Variants in RGS6 observed in about 807,000 individuals in gnomAD.
RGS6 encodes regulator of G-protein signaling 6.
In RGS6, 30 loss-of-function variants were observed where a neutral mutation model predicts 78.5. That is an observed-to-expected ratio of 0.38 (90% CI 0.29 to 0.52). The LOEUF is 0.52. Among genes scored for constraint, RGS6 ranks in the 20% least tolerant of loss-of-function variants. RGS6 has a pLI of 0.85. For synonymous variants in RGS6, 206 were observed against 206.0 expected (o/e 1.00, Z 0.00); for missense variants, 495 against 609.7 (o/e 0.81, Z 1.98).
Position 72,405,004 on chromosome 14 carries a change from A to G in RGS6, c.185-49524A>G, listed in dbSNP as rs2092793194. On this transcript the variant is annotated intron_variant, in intron 3 of 17. Coordinates refer to ENST00000553525, the MANE Select transcript of RGS6 (RefSeq NM_001204424.2). ...GAAGAACTTAAAGGGATTCACAAGA[A>G]GTTGAGGAGGGCAGAGCTGAATGAG... is the stretch of plus-strand genomic sequence containing the variant. Among the ~76,000 whole-genome samples the G allele has an allele frequency of 1.3e-5, 2 of 152,196 alleles. 1 individual carries two copies. Among genetic ancestry groups the G allele is most frequent in the South Asian group, 4.1e-4 (2 of 4,834 alleles).
intron 3 of RGS6, among the ~76,000 whole-genome samples, chr14:72,401,771 A>G (rs2092430524): frequency 6.6e-6 from 1 of 152,210 alleles, no homozygotes. Flanking sequence ...AAAGAATAAC[A>G]TTCAGATAGG....
chr14:72,113,251 A>C (rs932601310), intron 2 of RGS6, among the ~76,000 whole-genome samples: 7 of 152,218 alleles, frequency 4.6e-5, no homozygotes, highest in Non-Finnish European at 7.3e-5. Context: ...TATTTATTTG[A>C]TCTACCTCAA....
chr14:72,151,749 A>G (rs1346540730), intron 2 of RGS6, among the ~76,000 whole-genome samples: 1 of 152,216 alleles, frequency 6.6e-6, no homozygotes, highest in Non-Finnish European at 1.5e-5. Context: ...TAAAAAGGGT[A>G]AAAAGAGATT....
chr14:72,478,989 A>G (rs951744067), intron 12 of RGS6, among the ~76,000 whole-genome samples: 1 of 152,190 alleles, frequency 6.6e-6, no homozygotes, highest in African/African-American at 2.4e-5. Flanking sequence ...TATGGAATAA[A>G]TCTAACCAGG....
intron 17 of RGS6, chr14:72,540,871 C>CA: frequency 1.0e-6 from 1 of 985,416 alleles, no homozygotes; most frequent in Non-Finnish European, 1.2e-6. Flanking sequence ...GAGCTCCCCA[C>CA]AGTGGCACAT....
intron 2 of RGS6, among the ~76,000 whole-genome samples, chr14:72,258,048 A>C (rs1472215261): frequency 6.6e-6 from 1 of 152,230 alleles, no homozygotes; most frequent in Non-Finnish European, 1.5e-5. Context: ...CCATAATTCA[A>C]TTCTAGGTCA....
At chr14:72,295,562 C>G (rs948057242) in intron 2 of RGS6, among the ~76,000 whole-genome samples, 3 of 152,106 alleles carry the variant, frequency 2.0e-5, no homozygotes, top group African/African-American at 7.2e-5. Context: ...ATAAAATAAT[C>G]TTAGGTGACA....
At chr14:72,099,988 G>T (rs568928076) in intron 2 of RGS6, among the ~76,000 whole-genome samples, 1 of 152,056 alleles carries the variant, frequency 6.6e-6, no homozygotes, top group African/African-American at 2.4e-5. Context: ...CATGGATTTG[G>T]TTCCGAAAGC....
At chr14:72,603,817 G>A in the RGS6 span, among the ~76,000 whole-genome samples, 5 of 152,160 alleles carry the variant, frequency 3.3e-5, no homozygotes, top group Admixed American at 2.6e-4. Flanking sequence ...CCAGACAAGA[G>A]ATCTCCATTC....
At chr14:72,143,801 A>G (rs968812061) in intron 2 of RGS6, among the ~76,000 whole-genome samples, 5 of 152,256 alleles carry the variant, frequency 3.3e-5, no homozygotes, top group African/African-American at 1.2e-4. Flanking sequence ...AGATAATGAA[A>G]TAAATTTTCT....
the RGS6 span, among the ~76,000 whole-genome samples, chr14:71,893,954 T>C: frequency 1.3e-5 from 2 of 152,206 alleles, no homozygotes; most frequent in African/African-American, 4.8e-5. Context: ...AGGAGGGGTC[T>C]GAAAGCTCCT....
At chr14:72,178,698 G>A (rs908744459) in intron 2 of RGS6, among the ~76,000 whole-genome samples, 2 of 152,182 alleles carry the variant, frequency 1.3e-5, no homozygotes, top group Non-Finnish European at 2.9e-5. Context: ...AGGTACTGAC[G>A]CATTACTGAC....
At chr14:72,351,466 C>T (rs956738014) in intron 2 of RGS6, among the ~76,000 whole-genome samples, 1 of 152,096 alleles carries the variant, frequency 6.6e-6, no homozygotes, top group Non-Finnish European at 1.5e-5. Context: ...AGGAGAAGTT[C>T]CTGTCCTTGA....
At chr14:71,940,187 C>T (rs1307049688) in intron 1 of RGS6, among the ~76,000 whole-genome samples, 2 of 152,184 alleles carry the variant, frequency 1.3e-5, no homozygotes, top group African/African-American at 4.8e-5. Context: ...GAGCCAGTGT[C>T]CAGTAGTCCC....
chr14:72,593,531 C>T, the RGS6 span, among the ~76,000 whole-genome samples: 2 of 152,134 alleles, frequency 1.3e-5, no homozygotes, highest in Non-Finnish European at 2.9e-5. Context: ...GTTACAGGCA[C>T]ATGCCACGAT....
chr14:72,403,911 T>C (rs1566749856), intron 3 of RGS6, among the ~76,000 whole-genome samples: 1 of 152,188 alleles, frequency 6.6e-6, no homozygotes, highest in East Asian at 1.9e-4. Flanking sequence ...AAGAGTACAT[T>C]ATTGAACCTG....
chr14:72,242,013 C>G (rs549939469), intron 2 of RGS6, among the ~76,000 whole-genome samples: 6 of 152,182 alleles, frequency 3.9e-5, no homozygotes, highest in African/African-American at 1.4e-4. Context: ...TTTATCTCAA[C>G]GCTTCATTTT....
At chr14:72,158,828 C>T (rs117868020) in intron 2 of RGS6, among the ~76,000 whole-genome samples, 20 of 150,198 alleles carry the variant, frequency 1.3e-4, no homozygotes, top group Admixed American at 8.0e-4. Flanking sequence ...TTAGAATATC[C>T]GGTATAACAT....
At chr14:72,245,491 G>C (rs1319911715) in intron 2 of RGS6, among the ~76,000 whole-genome samples, 1 of 152,234 alleles carries the variant, frequency 6.6e-6, no homozygotes, top group African/African-American at 2.4e-5. Flanking sequence ...ATTAATTGCA[G>C]CAGGATCACG....
Sources: gnomAD v4.1 joint callset for allele counts (sites outside exome capture counted in the v4.1 genomes callset) on GRCh38, gnomAD v4.1.1 for gene constraint, MANE v1.5 for transcripts, NCBI Gene and HGNC (gene_info 2026-07-23, HGNC 2026-07-21) for gene names.